TNFRSF1B: variants seen among roughly 807,000 people sequenced by gnomAD.
TNFRSF1B encodes TNF receptor superfamily member 1B, also known as tumor necrosis factor receptor superfamily member 1B.
In TNFRSF1B, 19 loss-of-function variants were observed where a neutral mutation model predicts 44.6. The observed-to-expected ratio is 0.43, with a 90% confidence interval of 0.30 to 0.62. The LOEUF is 0.62. Among genes scored for constraint, TNFRSF1B ranks in the 20% least tolerant of loss-of-function variants. TNFRSF1B has a pLI of 0.16. For synonymous variants in TNFRSF1B, 252 were observed against 261.1 expected, an observed-to-expected ratio of 0.97 and a Z score of 0.34; for missense variants, 541 against 619.9, an observed-to-expected ratio of 0.87 and a Z score of 1.35.
At chr1:12,185,667 G>A (rs1184636920) in intron 1 of TNFRSF1B, among the ~76,000 whole-genome samples, 3 of 152,228 alleles carry the variant, frequency 2.0e-5, no homozygotes, top group African/African-American at 7.2e-5. Flanking sequence ...ATGGGCCTGG[G>A]GTGGGCCTCC....
At chr1:12,184,983 C>A (rs1053488436) in intron 1 of TNFRSF1B, among the ~76,000 whole-genome samples, 1 of 152,144 alleles carries the variant, frequency 6.6e-6, no homozygotes, top group Non-Finnish European at 1.5e-5. Flanking sequence ...GTCTGGGAGG[C>A]CGTTCGGTCG....
chr1:12,174,122 T>TTTCTTCTTCTTCTTCTTCTTC (rs541359943), intron 1 of TNFRSF1B, among the ~76,000 whole-genome samples: 1,082 of 66,730 alleles, frequency 0.016, 93 homozygotes, highest in African/African-American at 0.02. Context: ...TGAGACTCCA[T>TTTCTTCTTCTTCTTCTTCTTC]TTCTTCTTCT....
Position 12,201,959 on chromosome 1 carries a change from C to A in TNFRSF1B, c.901-8C>A. ...ACTGCTCTCCCCTACCACCCCCTGC[C>A]CATCCAGCCTCACTTGCCTGCCGAT... is the stretch of plus-strand genomic sequence containing the variant. On this transcript the variant is annotated splice_polypyrimidine_tract_variant and splice_region_variant and intron_variant, in intron 8 of 9. Coordinates refer to ENST00000376259, the MANE Select transcript of TNFRSF1B (RefSeq NM_001066.3). 1 of 1,601,778 alleles carries A rather than the reference C, an allele frequency of 6.2e-7. No homozygotes were observed. The highest frequency in any genetic ancestry group is 8.5e-7 in the Non-Finnish European group (1 of 1,173,012).
intron 1 of TNFRSF1B, among the ~76,000 whole-genome samples, chr1:12,183,170 C>A (rs2101091469): frequency 6.6e-6 from 1 of 152,302 alleles, no homozygotes; most frequent in African/African-American, 2.4e-5. Flanking sequence ...GAGGAGGGAG[C>A]CCAATCTGGA....
At chr1:12,196,821 C>T (rs935603339) in intron 8 of TNFRSF1B, among the ~76,000 whole-genome samples, 2 of 152,350 alleles carry the variant, frequency 1.3e-5, no homozygotes, top group Middle Eastern at 3.4e-3. Flanking sequence ...AGGTGTCTCC[C>T]CCAAGCTCTT....
chr1:12,207,162 C>T lies in TNFRSF1B; in HGVS notation c.*142C>T. On this transcript the variant is annotated 3_prime_UTR_variant, in exon 10 of 10. Coordinates refer to ENST00000376259, the MANE Select transcript of TNFRSF1B (RefSeq NM_001066.3). Reference sequence around the variant, plus strand: ...GGCCAAGTTCCTCTAGTGCCCTCCACAGCCGCAGCCTCCCTCTGACCTGCA... The same window carrying T: ...GGCCAAGTTCCTCTAGTGCCCTCCATAGCCGCAGCCTCCCTCTGACCTGCA... 3 of 838,930 alleles carry T rather than the reference C, an allele frequency of 3.6e-6. No homozygotes were observed. Among genetic ancestry groups the T allele is most frequent in the Middle Eastern group, 3.8e-4 (1 of 2,654 alleles). The allele number at this position is 838,930 out of a possible 1,614,324, so 52.0% of individuals were successfully genotyped here. A position where few individuals can be genotyped will look rare whatever the true frequency, so the allele number is the denominator to read the frequency against.
intron 9 of TNFRSF1B, among the ~76,000 whole-genome samples, chr1:12,203,865 G>C (rs1451111092): frequency 6.6e-6 from 1 of 152,216 alleles, no homozygotes; most frequent in African/African-American, 2.4e-5. Context: ...GAGTAGGCGG[G>C]ATTACAGGCA....
At position 12,190,932 on chromosome 1, in the gene TNFRSF1B, A is replaced by C. The variant is rs1314390552; in HGVS notation, c.179-25A>C. ...TCCTGGCAGAAGGCTCGCCCAGCTGAGACCTCTGGCCCTTGTTTCCTCAGG... is the reference window on the plus strand; with the variant it reads ...TCCTGGCAGAAGGCTCGCCCAGCTGCGACCTCTGGCCCTTGTTTCCTCAGG... On this transcript the variant is annotated intron_variant, in intron 2 of 9. Coordinates refer to ENST00000376259, the MANE Select transcript of TNFRSF1B (RefSeq NM_001066.3). 5 of 1,611,048 alleles carry C rather than the reference A, an allele frequency of 3.1e-6. No homozygotes were observed. The South Asian group carries it at 5.5e-5, about 18-fold the overall frequency.
At chr1:12,176,510 G>A (rs1022721627) in intron 1 of TNFRSF1B, among the ~76,000 whole-genome samples, 1 of 152,192 alleles carries the variant, frequency 6.6e-6, no homozygotes, top group Admixed American at 6.5e-5. Context: ...AAAGACTGAG[G>A]TCTATGAACT....
chr1:12,179,596 C>T (rs1221352952), intron 1 of TNFRSF1B, among the ~76,000 whole-genome samples: 1 of 152,194 alleles, frequency 6.6e-6, no homozygotes, highest in Admixed American at 6.5e-5. Flanking sequence ...CTGGGAGAGT[C>T]ACTGAACCAC....
chr1:12,198,723 C>CTTTTT (rs1639325996), intron 8 of TNFRSF1B, among the ~76,000 whole-genome samples: 6 of 80,332 alleles, frequency 7.5e-5, no homozygotes, highest in African/African-American at 3.0e-4. Flanking sequence ...AAGAGTCTTG[C>CTTTTT]TTTGTCGCCC....
intron 6 of TNFRSF1B, 32 bp downstream of exon 6, chr1:12,193,130 CT>C: frequency 6.5e-7 from 1 of 1,539,754 alleles, no homozygotes; most frequent in Non-Finnish European, 8.9e-7. Flanking sequence ...TCATTCACTC[CT>C]TCTGTCTGCC....
intron 1 of TNFRSF1B, 86 bp downstream of exon 1, chr1:12,167,255 T>C (rs1638412294): frequency 1.9e-6 from 2 of 1,033,492 alleles, no homozygotes; most frequent in South Asian, 3.8e-5. Context: ...CGGGCCGCGC[T>C]CTCCCGGGGC....
chr1:12,207,052 G>A lies in TNFRSF1B; in HGVS notation c.*32G>A. ...CGGTGTGGGCTGTGTCGTAGCCAAG[G>A]TGGGCTGAGCCCTGGCAGGATGACC... On this transcript the variant is annotated 3_prime_UTR_variant, in exon 10 of 10. Coordinates refer to ENST00000376259, the MANE Select transcript of TNFRSF1B (RefSeq NM_001066.3). 3 of 1,536,526 alleles carry A rather than the reference G, an allele frequency of 2.0e-6. No homozygotes were observed. The highest frequency in any genetic ancestry group is 2.6e-6 in the Non-Finnish European group (3 of 1,136,854).
Position 12,206,918 on chromosome 1 carries a change from T to G in TNFRSF1B, c.1284T>G (p.Cys428Trp). 1 of 1,614,192 alleles carries G rather than the reference T, an allele frequency of 6.2e-7. No individual in the cohort carries two copies. The highest frequency in any genetic ancestry group is 1.1e-5 in the South Asian group (1 of 91,078). Residue 428 changes from cysteine to tryptophan, a missense_variant, in exon 10 of 10, where the codon TGT becomes TGG. Physicochemically the swap from Cys to Trp is radical, Grantham distance 215 (BLOSUM62 -2). Transcript: ENST00000376259. Reference protein sequence around the residue: ...DEQVPFSKEECAFRSQLETPE... With the variant: ...DEQVPFSKEEWAFRSQLETPE... ...AGGTCCCCTTCTCCAAGGAGGAATG[T>G]GCCTTTCGGTCACAGCTGGAGACGC...
intron 1 of TNFRSF1B, among the ~76,000 whole-genome samples, chr1:12,174,027 G>A (rs1204705067): frequency 6.6e-6 from 1 of 152,192 alleles, no homozygotes; most frequent in African/African-American, 2.4e-5. Flanking sequence ...GGGGAGGGCT[G>A]TTGGCGGCGC....
chr1:12,202,088 G>A lies in TNFRSF1B; in HGVS notation c.1022G>A (p.Arg341Lys). Residue 341 changes from arginine (R) to lysine (K), a missense_variant, in exon 9 of 10, where the codon AGG (arginine) becomes AAG (lysine). Coordinates refer to ENST00000376259, the MANE Select transcript of TNFRSF1B (RefSeq NM_001066.3). ...LESSASALDRRAPTRNQPQAP... is the reference protein window; with the variant it reads ...LESSASALDRKAPTRNQPQAP... ...AGCTCGGCCAGTGCGTTGGACAGAA[G>A]GGCGCCCACTCGGAACCAGCCACAG... 2 of 1,588,080 alleles carry A rather than the reference G, an allele frequency of 1.3e-6. No homozygotes were observed. The highest frequency in any genetic ancestry group is 1.1e-5 in the South Asian group (1 of 87,496).
chr1:12,167,104 G>A lies in TNFRSF1B; in HGVS notation c.13G>A (p.Ala5Thr). 4 of 1,336,850 alleles carry A rather than the reference G, an allele frequency of 3.0e-6. No homozygotes were observed. The highest frequency in any genetic ancestry group is 3.8e-6 in the Non-Finnish European group (4 of 1,040,418). The allele number at this position is 1,336,850 out of a possible 1,614,324, so 82.8% of individuals were successfully genotyped here. ...CCCGCCCGCACCCATGGCGCCCGTC[G>A]CCGTCTGGGCCGCGCTGGCCGTCGG... The part of the protein sequence containing the change: MAPV[A>T]VWAALAVGLE... Residue 5 changes from alanine (A) to threonine (T), a missense_variant, in exon 1 of 10, where the codon GCC becomes ACC. By Grantham distance (58) the Ala-to-Thr change is moderately conservative. Transcript: ENST00000376259.
chr1:12,206,848 T>A lies in TNFRSF1B; in HGVS notation c.1214T>A (p.Met405Lys), dbSNP rs771452615. ...TGCTCCTCCCAAGCCAGCTCCACAA[T>A]GGGAGACACAGATTCCAGCCCCTCG... The part of the protein sequence containing the change: ...SQCSSQASST[M>K]GDTDSSPSES... Residue 405 changes from methionine to lysine, a missense_variant, in exon 10 of 10, where the codon ATG becomes AAG. Met to Lys is a moderately conservative substitution (Grantham distance 95). Transcript: ENST00000376259. 5 of 1,614,050 alleles carry A rather than the reference T, an allele frequency of 3.1e-6. No homozygotes were observed. The highest frequency in any genetic ancestry group is 4.2e-6 in the Non-Finnish European group (5 of 1,180,036).
Sources: gnomAD v4.1 joint callset for allele counts (sites outside exome capture counted in the v4.1 genomes callset) on GRCh38, gnomAD v4.1.1 for gene constraint, MANE v1.5 for transcripts, NCBI Gene and HGNC (gene_info 2026-07-23, HGNC 2026-07-21) for gene names.